The following TBC1D4 variants were observed in gnomAD, a reference collection of about 807,000 sequenced individuals.
TBC1D4 encodes the protein TBC1 domain family member 4.
Under a neutral mutation model 142.5 loss-of-function variants are expected in TBC1D4, and 121 were observed. The ratio of observed to expected loss-of-function variants is 0.85; its 90% confidence interval spans 0.73 to 0.99. The LOEUF (loss-of-function observed/expected upper bound fraction) is 0.99. TBC1D4 is among the 50% of genes least tolerant of loss of function. TBC1D4 has a pLI of 0.00. For missense variants in TBC1D4, 1,475 were observed against 1,606.6 expected, an observed-to-expected ratio of 0.92 and a Z score of 1.40; for synonymous variants, 630 against 628.2, an observed-to-expected ratio of 1.00 and a Z score of -0.04.
intron 1 of TBC1D4, among the ~76,000 whole-genome samples, chr13:75,457,893 TGCTC>T (rs891257498): frequency 1.1e-4 from 17 of 152,294 alleles, no homozygotes; most frequent in Admixed American, 6.5e-4. Flanking sequence ...TCAGCCCTGT[TGCTC>T]GCACAAACCC....
rs188234576 is a variant in TBC1D4 at position 75,469,741 on chromosome 13, C to G, written c.498+11529G>C. Among the ~76,000 whole-genome samples, 5 of 152,280 alleles carry G rather than the reference C, an allele frequency of 3.3e-5. No individual in the cohort carries two copies. In the East Asian group the frequency reaches 7.7e-4, roughly 23 times the overall value. On this transcript the variant is annotated intron_variant, in intron 1 of 20. Coordinates refer to ENST00000377636, the MANE Select transcript of TBC1D4 (RefSeq NM_014832.5). ...AGTGAGCTACGACTGCACCACTGTA[C>G]TCCAGCCTGGGCCACAGAGCAAGAA...
chr13:75,313,042 C>T, intron 12 of TBC1D4, 144 bp from the exon 13 acceptor site: 1 of 862,456 alleles, frequency 1.2e-6, no homozygotes, highest in Admixed American at 2.0e-5. Context: ...CATCACCAGG[C>T]ACACTAGTCA....
Position 75,362,544 on chromosome 13 carries a change from G to A in TBC1D4, c.562C>T (p.Pro188Ser). The A allele has an allele frequency of 6.2e-7, 1 of 1,614,198 alleles. No homozygotes were observed. Among genetic ancestry groups the A allele is most frequent in the Non-Finnish European group, 8.5e-7 (1 of 1,180,036 alleles). The change falls in exon 2 of 21, where the codon CCC becomes TCC. Residue 188 changes from proline to serine, a missense_variant. Physicochemically the swap from Pro to Ser is moderately conservative, Grantham distance 74. This residue lies in a region of TBC1D4 where 1,227 missense variants were observed against 1,267.7 expected (regional missense o/e 0.97). Transcript: ENST00000377636. The surrounding 1 kb of genome is among the most constrained non-coding windows in gnomAD (Gnocchi z 4.2). ...AAGGCGTCCTCATTATCTTTGCTGGGTTTGGCATCCTCTTTCATGGCCGCT... is the reference window on the plus strand; with the variant it reads ...AAGGCGTCCTCATTATCTTTGCTGGATTTGGCATCCTCTTTCATGGCCGCT... ...SKAAMKEDAK[P>S]SKDNEDAFYN...
At chr13:75,393,354 C>T (rs9543917) in intron 1 of TBC1D4, among the ~76,000 whole-genome samples, 150,746 of 152,260 alleles carry the variant, frequency 0.99, 74,641 homozygotes, top group Middle Eastern at 1. Context: ...ACAATTAATA[C>T]TGTCTCAGTT....
chr13:75,359,229 T>C (rs532978082), intron 3 of TBC1D4, among the ~76,000 whole-genome samples: 7 of 152,192 alleles, frequency 4.6e-5, no homozygotes, highest in Non-Finnish European at 1.0e-4. Context: ...AATATAATCT[T>C]GTACATAATT....
chr13:75,287,346 A>C (rs1874793633), intron 20 of TBC1D4, among the ~76,000 whole-genome samples: 1 of 152,146 alleles, frequency 6.6e-6, no homozygotes, highest in Non-Finnish European at 1.5e-5. Flanking sequence ...GAGAAACAGG[A>C]GATTCCTGAC....
In TBC1D4 at chr13:75,410,171, T is replaced by G. The variant is rs988578594; in HGVS notation, c.499-47564A>C. On this transcript the variant is annotated intron_variant, in intron 1 of 20. Transcript: ENST00000377636. ...TCACTCAATAAATGGTACCTATAATTACTATGTTTGATATATTCACATCAC... is the reference window on the plus strand; with the variant it reads ...TCACTCAATAAATGGTACCTATAATGACTATGTTTGATATATTCACATCAC... 2.6e-5 allele frequency among the ~76,000 whole-genome samples: 4 copies of G among 152,290 alleles called. No homozygotes were observed. In the East Asian group the frequency reaches 5.8e-4, roughly 22 times the overall value.
In TBC1D4 at chr13:75,299,302, C is replaced by T. The variant is rs201322607; in HGVS notation, c.3156+28G>A. ...CAGGATTTCTGGTAATAGTCTCACACCTTCCTCGGGAAGCACAAGTGCCTC... is the reference window on the plus strand; with the variant it reads ...CAGGATTTCTGGTAATAGTCTCACATCTTCCTCGGGAAGCACAAGTGCCTC... On this transcript the variant is annotated intron_variant, in intron 17 of 20. Coordinates refer to ENST00000377636, the MANE Select transcript of TBC1D4 (RefSeq NM_014832.5). 18 of 1,613,394 alleles carry T rather than the reference C, an allele frequency of 1.1e-5. No homozygotes were observed. In the African/African-American group the frequency reaches 2.0e-4, roughly 18 times the overall value.
chr13:75,344,567 A>G (rs188322464), intron 5 of TBC1D4, among the ~76,000 whole-genome samples: 2 of 152,118 alleles, frequency 1.3e-5, no homozygotes, highest in East Asian at 3.9e-4. Flanking sequence ...TAATCGGTCT[A>G]TCTCGGTGAT....
chr13:75,358,031 A>G (rs1351806741), intron 3 of TBC1D4, among the ~76,000 whole-genome samples: 1 of 151,440 alleles, frequency 6.6e-6, no homozygotes, highest in Non-Finnish European at 1.5e-5. Flanking sequence ...CCCAATGAGC[A>G]TTGCGAGTTT....
Position 75,292,228 on chromosome 13 carries a change from T to C in TBC1D4, c.3360A>G (p.Ala1120=). The change falls in exon 19 of 21, where the codon GCA becomes GCG. Residue 1120 remains alanine (A), a synonymous_variant. Coordinates refer to ENST00000377636, the MANE Select transcript of TBC1D4 (RefSeq NM_014832.5). ...TCTCTTGGCTGCTCAGTAGGCTGAG[T>C]GCAACCTTGAATATAACTTCAGTTC... The part of the protein sequence containing the change: ...LQGTEVIFKV[A]LSLLSSQETL... 6.2e-7 allele frequency: 1 copy of C among 1,613,320 alleles called. No homozygotes were observed.
chr13:75,479,548 GA>G (rs1888748294), intron 1 of TBC1D4, among the ~76,000 whole-genome samples: 1 of 151,840 alleles, frequency 6.6e-6, no homozygotes, highest in South Asian at 2.1e-4. Flanking sequence ...AAGGTGCCAG[GA>G]CCATCAATGA....
In TBC1D4 at chr13:75,457,205, A is replaced by G. The variant is rs372677974; in HGVS notation, c.498+24065T>C. ...ACATTTTAATATGGATGTCGGTGAC[A>G]TGGGATATATATTATACATCAATTT... On this transcript the variant is annotated intron_variant, in intron 1 of 20. Transcript: ENST00000377636. Among the ~76,000 whole-genome samples, 2 of 152,188 alleles carry G rather than the reference A, an allele frequency of 1.3e-5. 1 individual carries two copies. Among genetic ancestry groups the G allele is most frequent in the Admixed American group, 1.3e-4 (2 of 15,274 alleles).
intron 5 of TBC1D4, among the ~76,000 whole-genome samples, chr13:75,345,635 G>A (rs1434013739): frequency 6.6e-6 from 1 of 151,942 alleles, no homozygotes; most frequent in East Asian, 1.9e-4. Flanking sequence ...GCTCACAACT[G>A]TAATCCTAGC....
At chr13:75,341,089 C>A in intron 7 of TBC1D4, 36 bp downstream of exon 7, 1 of 1,582,432 alleles carries the variant, frequency 6.3e-7, no homozygotes, top group Admixed American at 1.7e-5. Context: ...TATTAAACAA[C>A]AACAAAAGTA....
chr13:75,328,982 A>G (rs1474268388), intron 8 of TBC1D4, among the ~76,000 whole-genome samples: 2 of 152,026 alleles, frequency 1.3e-5, no homozygotes, highest in African/African-American at 4.8e-5. Context: ...ATTTATATTG[A>G]TATTTCTGGT....
intron 1 of TBC1D4, among the ~76,000 whole-genome samples, chr13:75,456,537 T>C (rs556203801): frequency 1.3e-5 from 2 of 152,146 alleles, no homozygotes; most frequent in African/African-American, 2.4e-5. Context: ...CCAATGCATA[T>C]GAAAAGGTGC....
intron 14 of TBC1D4, among the ~76,000 whole-genome samples, chr13:75,309,362 A>G (rs541674305): frequency 8.5e-5 from 13 of 152,124 alleles, no homozygotes; most frequent in Non-Finnish European, 1.9e-4. Context: ...TTATAAATAT[A>G]ATGATTTGAA....
intron 1 of TBC1D4, among the ~76,000 whole-genome samples, chr13:75,410,284 C>A (rs530408590): frequency 6.6e-6 from 1 of 152,318 alleles, no homozygotes; most frequent in Non-Finnish European, 1.5e-5. Context: ...CTGCTATGGT[C>A]TGCCTAACCC....
Sources: gnomAD v4.1 joint callset for allele counts (sites outside exome capture counted in the v4.1 genomes callset) on GRCh38, gnomAD v4.1.1 for gene constraint, gnomAD v4.1.1 regional missense constraint, Gnocchi (gnomAD v3.1) non-coding constraint, MANE v1.5 for transcripts, NCBI Gene and HGNC (gene_info 2026-07-23, HGNC 2026-07-21) for gene names.